Variants in CDH4 observed in about 807,000 individuals in gnomAD.
The protein encoded by CDH4 is cadherin 4.
CDH4 carries 33 observed loss-of-function variants against 86.0 expected under a neutral mutation model. That is an observed-to-expected ratio of 0.38 (90% CI 0.29 to 0.51). The LOEUF (loss-of-function observed/expected upper bound fraction) is 0.51, where lower values mean the gene tolerates loss of function less well. Ranked by LOEUF, CDH4 falls within the 20% of genes least tolerant of loss-of-function variation. CDH4 has a pLI of 0.86. For synonymous variants in CDH4, 555 were observed against 549.4 expected (o/e 1.01, Z -0.14); for missense variants, 1,114 against 1,307.4 (o/e 0.85, Z 2.28).
At chr20:61,841,111 C>A (rs974915467) in intron 4 of CDH4, among the ~76,000 whole-genome samples, 3 of 152,246 alleles carry the variant, frequency 2.0e-5, no homozygotes, top group Non-Finnish European at 2.9e-5. Flanking sequence ...TGGCGCCCAC[C>A]TCCTGCCTCC....
chr20:61,704,812 G>A (rs988277124), intron 2 of CDH4, among the ~76,000 whole-genome samples: 7 of 152,112 alleles, frequency 4.6e-5, no homozygotes, highest in African/African-American at 1.7e-4. Context: ...CAGCATCTCT[G>A]GCATCCACTC....
rs373150921 is a variant in CDH4, at chr20:61,783,763, T to C, written c.576+10581T>C. Among the ~76,000 whole-genome samples the C allele has an allele frequency of 2.0e-3, 170 of 84,182 alleles. 6 individuals are homozygous for C. The highest frequency in any genetic ancestry group is 0.018 in the South Asian group (36 of 2,034). The allele number at this position is 84,182 out of a possible 152,430, so 55.2% of individuals were successfully genotyped here. On this transcript the variant is annotated intron_variant, in intron 4 of 15. Coordinates refer to ENST00000614565, the MANE Select transcript of CDH4 (RefSeq NM_001794.5). ...TGTGCCCCCGGGAGAAATGTAAGCCTAGTTCCTCGGGACAGTTCTCGAGGC... is the reference window on the plus strand; with the variant it reads ...TGTGCCCCCGGGAGAAATGTAAGCCCAGTTCCTCGGGACAGTTCTCGAGGC...
At chr20:61,799,965 T>G (rs951853729) in intron 4 of CDH4, among the ~76,000 whole-genome samples, 1 of 152,088 alleles carries the variant, frequency 6.6e-6, no homozygotes, top group African/African-American at 2.4e-5. Flanking sequence ...CCATCTCCGC[T>G]TGTCTTCATG....
intron 2 of CDH4, among the ~76,000 whole-genome samples, chr20:61,554,603 G>A (rs896331877): frequency 6.6e-6 from 1 of 152,220 alleles, no homozygotes; most frequent in Non-Finnish European, 1.5e-5. Flanking sequence ...CTGACAACAG[G>A]TCACCCACAG....
At chr20:61,400,665 G>A (rs2085044532) in intron 2 of CDH4, among the ~76,000 whole-genome samples, 1 of 152,184 alleles carries the variant, frequency 6.6e-6, no homozygotes, top group Admixed American at 6.5e-5. Flanking sequence ...TGTGGGATGA[G>A]CCCCCTGGGA....
At chr20:61,421,720 C>T (rs529791573) in intron 2 of CDH4, among the ~76,000 whole-genome samples, 25 of 152,350 alleles carry the variant, frequency 1.6e-4, no homozygotes, top group Middle Eastern at 6.8e-3. Flanking sequence ...CTCCCCCTGC[C>T]GGGGTTCTGG....
chr20:61,845,199 C>T (rs901595675), intron 5 of CDH4, among the ~76,000 whole-genome samples: 4 of 152,260 alleles, frequency 2.6e-5, no homozygotes, highest in African/African-American at 9.6e-5. Context: ...TCCCTCGGGG[C>T]CCCTCATGCT....
intron 2 of CDH4, among the ~76,000 whole-genome samples, chr20:61,409,922 C>T (rs2085107472): frequency 6.6e-6 from 1 of 152,242 alleles, no homozygotes; most frequent in African/African-American, 2.4e-5. Context: ...TTATTCCATC[C>T]TTGCCCAGGC....
At chr20:61,346,529 A>T (rs1230219473) in intron 2 of CDH4, among the ~76,000 whole-genome samples, 2 of 152,146 alleles carry the variant, frequency 1.3e-5, no homozygotes, top group Non-Finnish European at 2.9e-5. Flanking sequence ...GGATCACCTG[A>T]GGCCAGGAGT....
At chr20:61,883,366 C>T (rs527913966) in intron 7 of CDH4, among the ~76,000 whole-genome samples, 10 of 152,312 alleles carry the variant, frequency 6.6e-5, no homozygotes, top group Admixed American at 2.6e-4. Context: ...CCTAGGGCGA[C>T]GTCTTTCTTG....
At chr20:61,300,217 C>T (rs1213003919) in intron 2 of CDH4, among the ~76,000 whole-genome samples, 1 of 152,054 alleles carries the variant, frequency 6.6e-6, no homozygotes, top group Non-Finnish European at 1.5e-5. Flanking sequence ...GCAGTGGGGT[C>T]AGGTGCCAGG....
intron 2 of CDH4, among the ~76,000 whole-genome samples, chr20:61,634,626 C>G (rs1391252816): frequency 6.6e-6 from 1 of 152,242 alleles, no homozygotes; most frequent in African/African-American, 2.4e-5. Context: ...CTGGGCCGCC[C>G]CAGCCCGTTG....
At chr20:61,447,199 C>T (rs2085355676) in intron 2 of CDH4, among the ~76,000 whole-genome samples, 2 of 152,142 alleles carry the variant, frequency 1.3e-5, no homozygotes, top group Non-Finnish European at 2.9e-5. Context: ...CTCTGTCACT[C>T]AGGCTGGTGT....
intron 2 of CDH4, among the ~76,000 whole-genome samples, chr20:61,730,634 C>G (rs1357088083): frequency 6.6e-6 from 1 of 152,224 alleles, no homozygotes; most frequent in African/African-American, 2.4e-5. Context: ...CCTGCCAGCC[C>G]CAGGCCCACA....
chr20:61,308,901 C>T (rs778900014), intron 2 of CDH4, among the ~76,000 whole-genome samples: 3 of 152,184 alleles, frequency 2.0e-5, no homozygotes, highest in Admixed American at 2.0e-4. Context: ...AAGCAGAGCT[C>T]GTAGCCTGTG....
At chr20:61,391,867 G>A (rs1183492312) in intron 2 of CDH4, among the ~76,000 whole-genome samples, 2 of 152,152 alleles carry the variant, frequency 1.3e-5, no homozygotes, top group African/African-American at 2.4e-5. Context: ...TGAGACGCTA[G>A]GAGGGACAGC....
At chr20:61,893,892 G>T (rs555146457) in intron 7 of CDH4, among the ~76,000 whole-genome samples, 7 of 152,094 alleles carry the variant, frequency 4.6e-5, no homozygotes, top group East Asian at 1.9e-4. Context: ...AAAGAGAAAA[G>T]GTTGGTGACC....
At chr20:61,511,264 C>T (rs934226666) in intron 2 of CDH4, among the ~76,000 whole-genome samples, 1 of 152,162 alleles carries the variant, frequency 6.6e-6, no homozygotes, top group Admixed American at 6.5e-5. Flanking sequence ...AGTGTCAGCC[C>T]CACTTCACAC....
chr20:61,611,030 C>A (rs1837559078), intron 2 of CDH4, among the ~76,000 whole-genome samples: 1 of 152,002 alleles, frequency 6.6e-6, no homozygotes, highest in Non-Finnish European at 1.5e-5. Flanking sequence ...TGGATCCCTG[C>A]CTAAAGCAAG....
Sources: allele counts gnomAD v4.1 joint callset (sites outside exome capture counted in the v4.1 genomes callset), GRCh38; gene constraint gnomAD v4.1.1; transcripts MANE v1.5; gene names NCBI Gene and HGNC (gene_info 2026-07-23, HGNC 2026-07-21).